The following WDR7 variants were observed in gnomAD, a reference collection of about 807,000 sequenced individuals.
The protein encoded by WDR7 is WD repeat-containing protein 7.
A neutral mutation model predicts 169.4 loss-of-function variants in WDR7; 46 were observed. That is an observed-to-expected ratio of 0.27 (90% CI 0.21 to 0.35). The LOEUF (loss-of-function observed/expected upper bound fraction) is 0.35, where lower values mean the gene tolerates loss of function less well. WDR7 is among the 10% of genes least tolerant of loss of function. WDR7 has a pLI of 1.00. For synonymous variants in WDR7, 612 were observed against 666.8 expected (o/e 0.92, Z 1.27); for missense variants, 1,534 against 1,859.3 (o/e 0.83, Z 3.22).
chr18:56,956,593 T>A (rs946952377), intron 25 of WDR7, among the ~76,000 whole-genome samples: 4 of 152,142 alleles, frequency 2.6e-5, no homozygotes, highest in Non-Finnish European at 4.4e-5. Context: ...TGGTACCTTC[T>A]TGGGGTCAAA....
chr18:56,734,255 T>G (rs1476425575), intron 14 of WDR7, among the ~76,000 whole-genome samples: 1 of 152,172 alleles, frequency 6.6e-6, no homozygotes, highest in African/African-American at 2.4e-5. Flanking sequence ...TTATCTCAGC[T>G]TTATCCTTTC....
chr18:56,698,298 C>G (rs989188896), intron 12 of WDR7, among the ~76,000 whole-genome samples: 1 of 151,404 alleles, frequency 6.6e-6, no homozygotes, highest in Non-Finnish European at 1.5e-5. Context: ...GTTTTTTAAA[C>G]AAATTTCTTT....
chr18:56,703,914 A>G (rs932374484), intron 12 of WDR7, among the ~76,000 whole-genome samples: 9 of 152,188 alleles, frequency 5.9e-5, no homozygotes, highest in South Asian at 4.2e-4. Context: ...TGGAGTTGCT[A>G]TAAAAAAGGG....
intron 20 of WDR7, among the ~76,000 whole-genome samples, chr18:56,862,246 T>A (rs2045816113): frequency 6.6e-6 from 1 of 151,898 alleles, no homozygotes; most frequent in African/African-American, 2.4e-5. Context: ...TGATATTGAT[T>A]TAATAACTTA....
At chr18:56,691,939 A>G (rs2025580397) in intron 9 of WDR7, 122 bp downstream of exon 9, 1 of 670,112 alleles carries the variant, frequency 1.5e-6, no homozygotes, top group Non-Finnish European at 2.3e-6. Context: ...TGTTAAATGT[A>G]AAACATTTTG....
intron 26 of WDR7, among the ~76,000 whole-genome samples, chr18:56,982,212 A>G (rs1174373555): frequency 1.3e-5 from 2 of 152,196 alleles, no homozygotes; most frequent in African/African-American, 2.4e-5. Flanking sequence ...CCACTTGTCC[A>G]GGGGTTTCAA....
intron 19 of WDR7, among the ~76,000 whole-genome samples, chr18:56,803,756 A>G (rs2044718946): frequency 6.6e-6 from 1 of 152,212 alleles, no homozygotes; most frequent in South Asian, 2.1e-4. Flanking sequence ...CATCTCAGGC[A>G]CTGTGCTAAA....
At chr18:56,863,727 T>G (rs115507507) in intron 20 of WDR7, among the ~76,000 whole-genome samples, 63 of 151,948 alleles carry the variant, frequency 4.1e-4, no homozygotes, top group African/African-American at 1.5e-3. Flanking sequence ...ATACAAGTAT[T>G]AATAGATGAC....
At chr18:56,718,711 C>T (rs2026249310) in intron 13 of WDR7, among the ~76,000 whole-genome samples, 1 of 152,130 alleles carries the variant, frequency 6.6e-6, no homozygotes, top group African/African-American at 2.4e-5. Context: ...CTGTGGTTTT[C>T]CCTCAGAAAT....
chr18:57,004,888 A>T (rs1035828375), intron 26 of WDR7, among the ~76,000 whole-genome samples: 5 of 152,156 alleles, frequency 3.3e-5, no homozygotes, highest in African/African-American at 1.2e-4. Flanking sequence ...AGTGAAGTCT[A>T]AACTTTCCAA....
chr18:56,765,667 T>C (rs2044052597), intron 16 of WDR7, among the ~76,000 whole-genome samples: 1 of 152,166 alleles, frequency 6.6e-6, no homozygotes, highest in Admixed American at 6.6e-5. Context: ...AAAATACATA[T>C]TTACCCACGT....
chr18:56,811,513 CA>C (rs2044869209), intron 19 of WDR7, among the ~76,000 whole-genome samples: 2 of 152,060 alleles, frequency 1.3e-5, no homozygotes, highest in Non-Finnish European at 2.9e-5. Context: ...CCCACTTTGC[CA>C]ATTTTTTCTT....
In WDR7 at chr18:56,830,569, A is replaced by G. The variant is rs78588785; in HGVS notation, c.3304+14425A>G. Reference sequence around the variant, plus strand: ...TAATCACCATCATGGTGCTACCTCTAGATCACCTCTGGGCGCTGCACTATA... The same window carrying G: ...TAATCACCATCATGGTGCTACCTCTGGATCACCTCTGGGCGCTGCACTATA... On this transcript the variant is annotated intron_variant, in intron 20 of 27. Transcript: ENST00000254442. Among the ~76,000 whole-genome samples, 453 of 152,346 alleles carry G rather than the reference A, an allele frequency of 3.0e-3. 1 individual carries two copies. The highest frequency in any genetic ancestry group is 5.1e-3 in the Non-Finnish European group (350 of 68,032).
intron 21 of WDR7, 81 bp from the exon 22 acceptor site, chr18:56,923,841 T>C (rs2046762711): frequency 7.6e-7 from 1 of 1,321,232 alleles, no homozygotes; most frequent in Admixed American, 3.6e-5. Context: ...AAATGGATTA[T>C]ATTTTGAAAG....
chr18:56,929,436 A>G (rs890197702), intron 22 of WDR7, among the ~76,000 whole-genome samples: 3 of 152,246 alleles, frequency 2.0e-5, no homozygotes, highest in Non-Finnish European at 2.9e-5. Context: ...AATGTTGAAT[A>G]AAGTCATGGG....
At chr18:56,880,727 AT>A (rs1342221526) in intron 21 of WDR7, among the ~76,000 whole-genome samples, 38 of 152,356 alleles carry the variant, frequency 2.5e-4, no homozygotes, top group African/African-American at 8.7e-4. Context: ...AATTTAAAAA[AT>A]ATTCCAGTAA....
intron 21 of WDR7, among the ~76,000 whole-genome samples, chr18:56,904,867 A>G (rs1403832643): frequency 6.6e-6 from 1 of 152,162 alleles, no homozygotes; most frequent in African/African-American, 2.4e-5. Flanking sequence ...ACAAATTGTT[A>G]TATAAAACAG....
chr18:56,885,227 T>C lies in WDR7; in HGVS notation c.3526+5062T>C, dbSNP rs114964638. Among the ~76,000 whole-genome samples the C allele has an allele frequency of 9.5e-3, 1,441 of 152,188 alleles. 23 individuals are homozygous for C. Among genetic ancestry groups the C allele is most frequent in the African/African-American group, 0.033 (1,357 of 41,514 alleles). On this transcript the variant is annotated intron_variant, in intron 21 of 27. Coordinates refer to ENST00000254442, the MANE Select transcript of WDR7 (RefSeq NM_015285.3). ...TCTGGTAATATGACAAAACAAGGTT[T>C]TGTAATACCTCCAAAAGATCATACT...
chr18:56,816,306 T>G (rs1265214124), intron 20 of WDR7, among the ~76,000 whole-genome samples, 162 bp downstream of exon 20: 7 of 152,314 alleles, frequency 4.6e-5, no homozygotes, highest in Middle Eastern at 3.4e-3. Context: ...CTCTTTAATT[T>G]TGAGGTGAAA....
Sources: gnomAD v4.1 joint callset for allele counts (sites outside exome capture counted in the v4.1 genomes callset) on GRCh38, gnomAD v4.1.1 for gene constraint, MANE v1.5 for transcripts, NCBI Gene and HGNC (gene_info 2026-07-23, HGNC 2026-07-21) for gene names.